ASTN2: variants seen among roughly 807,000 people sequenced by gnomAD.
The protein encoded by ASTN2 is astrotactin 2.
A neutral mutation model predicts 139.8 loss-of-function variants in ASTN2; 54 were observed. That is an observed-to-expected ratio of 0.39 (90% CI 0.31 to 0.48). The LOEUF is 0.48. Among genes scored for constraint, ASTN2 ranks in the 20% least tolerant of loss-of-function variants. The pLI is 0.95. For synonymous variants in ASTN2, 756 were observed against 719.5 expected, an observed-to-expected ratio of 1.05 and a Z score of -0.81; for missense variants, 1,565 against 1,725.1, an observed-to-expected ratio of 0.91 and a Z score of 1.64.
chr9:116,805,027 C>T (rs1329845782), intron 13 of ASTN2, among the ~76,000 whole-genome samples: 2 of 150,746 alleles, frequency 1.3e-5, no homozygotes, highest in Non-Finnish European at 2.9e-5. Flanking sequence ...ATCTTTAATC[C>T]TCACATAATC....
At chr9:116,888,451 T>G (rs1833674469) in intron 10 of ASTN2, among the ~76,000 whole-genome samples, 1 of 152,168 alleles carries the variant, frequency 6.6e-6, no homozygotes, top group South Asian at 2.1e-4. Context: ...CTATATATTA[T>G]GATATTATTC....
rs11532987 is a variant in ASTN2, at chr9:116,681,047, T to C, written c.2807-29254A>G. ...AGGGCAATTAGGCAGGAGAAGGAAA[T>C]AAAGGGTATTCAATTAGGAAAAGAG... On this transcript the variant is annotated intron_variant, in intron 16 of 22. Transcript: ENST00000313400. Among the ~76,000 whole-genome samples, 2,879 of 152,144 alleles carry C rather than the reference T, an allele frequency of 0.019. 389 individuals carry two copies. In the South Asian group the frequency reaches 0.29, roughly 15 times the overall value.
intron 6 of ASTN2, among the ~76,000 whole-genome samples, chr9:117,035,369 TCAC>T (rs1838356378): frequency 6.6e-6 from 1 of 152,172 alleles, no homozygotes; most frequent in African/African-American, 2.4e-5. Flanking sequence ...TCTGTGTTTG[TCAC>T]CACATTTATG....
intron 20 of ASTN2, among the ~76,000 whole-genome samples, chr9:116,458,368 GA>G (rs1421526379): frequency 6.6e-6 from 1 of 151,750 alleles, no homozygotes; most frequent in Non-Finnish European, 1.5e-5. Context: ...GAGCATAATT[GA>G]AAAGTTCATA....
intron 19 of ASTN2, among the ~76,000 whole-genome samples, chr9:116,565,404 T>A (rs1267904947): frequency 3.5e-5 from 3 of 84,726 alleles, no homozygotes; most frequent in Admixed American, 1.2e-4. Flanking sequence ...TATATATATA[T>A]ATATATATAT....
intron 3 of ASTN2, among the ~76,000 whole-genome samples, chr9:117,164,293 C>T (rs7049123): frequency 0.3 from 44,904 of 151,864 alleles, 6,819 homozygotes; most frequent in African/African-American, 0.35. Context: ...CCCCTAAGTT[C>T]AGCACTCTTT....
chr9:117,092,924 A>G (rs1194132055), intron 5 of ASTN2, among the ~76,000 whole-genome samples: 3 of 152,150 alleles, frequency 2.0e-5, no homozygotes, highest in Non-Finnish European at 4.4e-5. Context: ...AAAGGGGACA[A>G]CAGAACCATT....
intron 16 of ASTN2, among the ~76,000 whole-genome samples, chr9:116,667,439 A>G (rs1201320677): frequency 6.6e-6 from 1 of 152,228 alleles, no homozygotes; most frequent in African/African-American, 2.4e-5. Context: ...ATTTGCTTTG[A>G]AAGACTCTAG....
chr9:116,946,836 A>C (rs990732863), intron 10 of ASTN2, among the ~76,000 whole-genome samples: 2 of 148,790 alleles, frequency 1.3e-5, no homozygotes, highest in African/African-American at 4.9e-5. Flanking sequence ...TGCCACCTTT[A>C]TCTTTTAAGG....
At chr9:116,900,776 T>G (rs1293952227) in intron 10 of ASTN2, among the ~76,000 whole-genome samples, 1 of 152,000 alleles carries the variant, frequency 6.6e-6, no homozygotes, top group Non-Finnish European at 1.5e-5. Flanking sequence ...CTCTTTCTTC[T>G]CCCTCCACCT....
At chr9:117,384,433 G>A (rs957311331) in intron 1 of ASTN2, among the ~76,000 whole-genome samples, 6 of 152,202 alleles carry the variant, frequency 3.9e-5, no homozygotes, top group Admixed American at 2.6e-4. Context: ...TCCAATGTTA[G>A]TTTTGCTACC....
intron 19 of ASTN2, among the ~76,000 whole-genome samples, chr9:116,489,988 A>G (rs1347023021): frequency 6.6e-6 from 1 of 152,038 alleles, no homozygotes; most frequent in Non-Finnish European, 1.5e-5. Flanking sequence ...AAACTTCTCA[A>G]TGTCTCCATT....
intron 20 of ASTN2, among the ~76,000 whole-genome samples, chr9:116,463,890 C>T (rs1331852717): frequency 6.7e-6 from 1 of 149,896 alleles, no homozygotes; most frequent in Non-Finnish European, 1.5e-5. Flanking sequence ...GTGCATGCCA[C>T]CATGAACAGA....
At chr9:116,704,711 A>C (rs181088068) in intron 16 of ASTN2, among the ~76,000 whole-genome samples, 24 of 152,272 alleles carry the variant, frequency 1.6e-4, no homozygotes, top group African/African-American at 4.8e-4. Flanking sequence ...AGCCTATTGG[A>C]GGAAGAGTGG....
At chr9:116,728,884 T>C in intron 15 of ASTN2, 108 bp downstream of exon 15, 2 of 894,550 alleles carry the variant, frequency 2.2e-6, no homozygotes, top group Non-Finnish European at 1.7e-6. Flanking sequence ...TGCATCCTCA[T>C]TTCCTCAGCA....
At chr9:117,228,794 C>T (rs1832795435) in intron 2 of ASTN2, among the ~76,000 whole-genome samples, 2 of 152,080 alleles carry the variant, frequency 1.3e-5, no homozygotes, top group African/African-American at 2.4e-5. Context: ...GCGGGTGGAT[C>T]ACCTGAGGTC....
intron 7 of ASTN2, among the ~76,000 whole-genome samples, chr9:117,006,611 G>A (rs1209486514): frequency 6.6e-6 from 1 of 152,124 alleles, no homozygotes; most frequent in Non-Finnish European, 1.5e-5. Context: ...CAGCCAGAAT[G>A]GTCCTATTCA....
At chr9:116,837,663 A>G (rs1218328950) in intron 11 of ASTN2, among the ~76,000 whole-genome samples, 1 of 148,176 alleles carries the variant, frequency 6.7e-6, no homozygotes, top group Admixed American at 6.9e-5. Context: ...CCCCACCCCC[A>G]GGTCTAGAAG....
intron 1 of ASTN2, among the ~76,000 whole-genome samples, chr9:117,387,695 CA>C (rs1037006238): frequency 1.3e-5 from 2 of 152,172 alleles, no homozygotes; most frequent in African/African-American, 4.8e-5. Context: ...AGAAGATCCA[CA>C]GGCTTCCTAG....
Sources: allele counts gnomAD v4.1 joint callset (sites outside exome capture counted in the v4.1 genomes callset), GRCh38; gene constraint gnomAD v4.1.1; transcripts MANE v1.5; gene names NCBI Gene and HGNC (gene_info 2026-07-23, HGNC 2026-07-21).